The following CDC5L variants were observed in gnomAD, a reference collection of about 807,000 sequenced individuals.
The protein encoded by CDC5L is cell division cycle 5-like protein.
In CDC5L, 18 loss-of-function variants were observed where a neutral mutation model predicts 104.1. The ratio of observed to expected loss-of-function variants is 0.17; its 90% CI spans 0.12 to 0.26. The LOEUF is 0.26. Ranked by LOEUF, CDC5L falls within the 10% of genes least tolerant of loss-of-function variation. The pLI is 1.00. For missense variants in CDC5L, 673 were observed against 956.9 expected (o/e 0.70, Z 3.91); for synonymous variants, 331 against 322.7 (o/e 1.03, Z -0.28).
rs1793526097 is a variant in CDC5L at position 44,448,322 on chromosome 6, G to T, written c.*1611G>T. The stretch of plus-strand genomic sequence containing the variant: ...AAATAAGGCTATAATAAGGAATTTG[G>T]ATCTTACTTTAAATATGATAAGAAT... On this transcript the variant is annotated 3_prime_UTR_variant, in exon 16 of 16. Coordinates refer to ENST00000371477, the MANE Select transcript of CDC5L (RefSeq NM_001253.4). 6.6e-6 allele frequency: 1 copy of T among 152,168 alleles called. No homozygotes were observed. Among genetic ancestry groups the T allele is most frequent in the African/African-American group, 2.4e-5 (1 of 41,438 alleles). 9.4% of individuals were successfully genotyped at this position (152,168 alleles called of 1,614,324 possible). A position where few individuals can be genotyped will look rare whatever the true frequency, so the allele number is the denominator to read the frequency against.
intron 9 of CDC5L, 47 bp downstream of exon 9, chr6:44,419,644 G>A: frequency 6.9e-7 from 1 of 1,447,296 alleles, no homozygotes; most frequent in Non-Finnish European, 9.7e-7. Flanking sequence ...TTGAATTCAA[G>A]GACTTAGCAT....
intron 8 of CDC5L, among the ~76,000 whole-genome samples, chr6:44,418,782 T>TA (rs1258263532): frequency 6.6e-6 from 1 of 152,136 alleles, no homozygotes; most frequent in Non-Finnish European, 1.5e-5. Flanking sequence ...TTTGGCTGCA[T>TA]AAATGTCTTC....
chr6:44,442,704 A>G lies in CDC5L; in HGVS notation c.2092-2951A>G, dbSNP rs539814330. Among the ~76,000 whole-genome samples the G allele has an allele frequency of 2.6e-5, 4 of 152,210 alleles. 1 individual carries two copies. Among genetic ancestry groups the G allele is most frequent in the South Asian group, 2.1e-4 (1 of 4,826 alleles). Reference sequence around the variant, plus strand: ...AATAGTTTTGCCTTTTAACCTTTATACTAGAGATATAATTGATTTACTCAC... The same window carrying G: ...AATAGTTTTGCCTTTTAACCTTTATGCTAGAGATATAATTGATTTACTCAC... On this transcript the variant is annotated intron_variant, in intron 14 of 15. Coordinates refer to ENST00000371477, the MANE Select transcript of CDC5L (RefSeq NM_001253.4).
chr6:44,424,656 A>G, intron 11 of CDC5L, 73 bp downstream of exon 11: 2 of 1,436,246 alleles, frequency 1.4e-6, no homozygotes, highest in Admixed American at 1.8e-5. Context: ...AAGAATAGCC[A>G]TTAAATGTCC....
chr6:44,396,496 A>C, intron 5 of CDC5L, 56 bp downstream of exon 5: 3 of 1,079,294 alleles, frequency 2.8e-6, no homozygotes, highest in Non-Finnish European at 4.2e-6. Context: ...AACAATCAAC[A>C]CAGAATACTT....
In CDC5L at chr6:44,447,876, G is replaced by C. The variant is rs1174685192; in HGVS notation, c.*1165G>C. The C allele has an allele frequency of 1.3e-5, 2 of 152,234 alleles. No individual in the cohort carries two copies. The highest frequency in any genetic ancestry group is 2.9e-5 in the Non-Finnish European group (2 of 68,056). 9.4% of individuals were successfully genotyped at this position (152,234 alleles called of 1,614,324 possible). A position where few individuals can be genotyped will look rare whatever the true frequency, so the allele number is the denominator to read the frequency against. On this transcript the variant is annotated 3_prime_UTR_variant, in exon 16 of 16. Transcript: ENST00000371477. The stretch of plus-strand genomic sequence containing the variant: ...TCTTGCTCTCATGGAGGTGACATTA[G>C]TGGGGAGGAGATACTAAGTATGTCC...
chr6:44,413,469 A>G (rs1468564512), intron 8 of CDC5L, among the ~76,000 whole-genome samples: 1 of 152,152 alleles, frequency 6.6e-6, no homozygotes, highest in Non-Finnish European at 1.5e-5. Flanking sequence ...TTGTGTGGAC[A>G]TGTTTTTTTC....
intron 6 of CDC5L, among the ~76,000 whole-genome samples, chr6:44,405,936 C>G (rs1260597025): frequency 6.7e-6 from 1 of 150,346 alleles, no homozygotes; most frequent in African/African-American, 2.5e-5. Flanking sequence ...GAGTCTTTCT[C>G]TATTGCCCAG....
At position 44,424,580 on chromosome 6, in the gene CDC5L, G is replaced by A. The variant is rs1792334988; in HGVS notation, c.1566G>A (p.Lys522=). 6.2e-7 allele frequency: 1 copy of A among 1,613,776 alleles called. No homozygotes were observed. Among genetic ancestry groups the A allele is most frequent in the Non-Finnish European group, 8.5e-7 (1 of 1,179,804 alleles). Residue 522 remains lysine (K), a synonymous_variant, in exon 11 of 16, where the codon AAG becomes AAA. Coordinates refer to ENST00000371477, the MANE Select transcript of CDC5L (RefSeq NM_001253.4). ...IEDAADVDAR[K]QAIRDAERVK... is the part of the protein sequence containing the mutation. ...ATGCTGCTGATGTGGATGCTCGAAA[G>A]CAGGTGGGTAACTGTACTGAAAGAA...
At chr6:44,420,633 C>T (rs1792126322) in intron 9 of CDC5L, among the ~76,000 whole-genome samples, 1 of 152,140 alleles carries the variant, frequency 6.6e-6, no homozygotes, top group Non-Finnish European at 1.5e-5. Flanking sequence ...GCTGGTATTA[C>T]AGGTGTGAGC....
chr6:44,434,055 C>T (rs1007160806), intron 14 of CDC5L, among the ~76,000 whole-genome samples: 5 of 152,190 alleles, frequency 3.3e-5, no homozygotes, highest in Non-Finnish European at 2.9e-5. Flanking sequence ...AATACTCTCT[C>T]TTTCCCAAAT....
At chr6:44,443,087 C>T (rs1793282700) in intron 14 of CDC5L, among the ~76,000 whole-genome samples, 1 of 150,920 alleles carries the variant, frequency 6.6e-6, no homozygotes, top group Non-Finnish European at 1.5e-5. Context: ...CCCTGTCTCT[C>T]TTTCTTTTCT....
chr6:44,391,880 T>C (rs1790639055), intron 2 of CDC5L, among the ~76,000 whole-genome samples: 1 of 151,930 alleles, frequency 6.6e-6, no homozygotes, highest in Admixed American at 6.6e-5. Context: ...GGTGGCTACT[T>C]GGGAGGCTGA....
intron 8 of CDC5L, among the ~76,000 whole-genome samples, chr6:44,411,185 A>G (rs1055782529): frequency 2.0e-5 from 3 of 152,004 alleles, no homozygotes; most frequent in Admixed American, 2.0e-4. Flanking sequence ...GCCTGTGTCT[A>G]GAAGTGGGTG....
At chr6:44,387,937 G>C (rs908874213) in intron 1 of CDC5L, 69 bp downstream of exon 1, 12 of 1,476,090 alleles carry the variant, frequency 8.1e-6, no homozygotes, top group Non-Finnish European at 1.1e-5. Context: ...CGCGCGCGGA[G>C]GTCGGGGGGG....
At chr6:44,422,300 T>G (rs1011359060) in intron 9 of CDC5L, among the ~76,000 whole-genome samples, 3 of 152,232 alleles carry the variant, frequency 2.0e-5, no homozygotes, top group African/African-American at 7.2e-5. Context: ...AAGAGTCATC[T>G]GGGGTCATTG....
In CDC5L at chr6:44,447,288, T is replaced by G. The variant is rs1336811192; in HGVS notation, c.*577T>G. On this transcript the variant is annotated 3_prime_UTR_variant, in exon 16 of 16. Transcript: ENST00000371477. ...CAAATTTTTTTTTTGTTAATATCAC[T>G]TTAAAGAAGGTCTCTTGTCTGCCAG... 6.6e-6 allele frequency: 1 copy of G among 152,340 alleles called. No individual in the cohort carries two copies. Among genetic ancestry groups the G allele is most frequent in the Non-Finnish European group, 1.5e-5 (1 of 68,020 alleles). The allele number at this position is 152,340 out of a possible 1,614,324, so 9.4% of individuals were successfully genotyped here.
At chr6:44,391,304 A>G (rs950872538) in intron 2 of CDC5L, among the ~76,000 whole-genome samples, 1 of 151,736 alleles carries the variant, frequency 6.6e-6, no homozygotes, top group Non-Finnish European at 1.5e-5. Flanking sequence ...GCTGGAGTGC[A>G]GTGGCGTGAT....
chr6:44,436,062 G>C (rs1476437852), intron 14 of CDC5L, among the ~76,000 whole-genome samples: 1 of 152,118 alleles, frequency 6.6e-6, no homozygotes, highest in Non-Finnish European at 1.5e-5. Context: ...ACAGGTGTGA[G>C]CCACCGTGCC....
Sources: allele counts gnomAD v4.1 joint callset (sites outside exome capture counted in the v4.1 genomes callset), GRCh38; gene constraint gnomAD v4.1.1; transcripts MANE v1.5; gene names NCBI Gene and HGNC (gene_info 2026-07-23, HGNC 2026-07-21).